ELP4: variants seen among roughly 807,000 people sequenced by gnomAD.
ELP4 encodes the protein elongator complex protein 4.
In ELP4, 51 loss-of-function variants were observed where a neutral mutation model predicts 48.9. The observed-to-expected ratio is 1.04, with a 90% CI of 0.83 to 1.32. ELP4 has a LOEUF of 1.32. ELP4 is among the 40% of genes most tolerant of loss of function. The pLI is 0.00. For missense variants in ELP4, 519 were observed against 514.6 expected, an observed-to-expected ratio of 1.01 and a Z score of -0.08; for synonymous variants, 210 against 189.2, an observed-to-expected ratio of 1.11 and a Z score of -0.90.
chr11:31,521,526 A>G (rs1051413493), intron 2 of ELP4, among the ~76,000 whole-genome samples: 13 of 152,148 alleles, frequency 8.5e-5, no homozygotes, highest in African/African-American at 3.1e-4. Flanking sequence ...TAAAATAGGA[A>G]TTACATCCCT....
At chr11:31,745,949 C>A (rs1441854262) in intron 9 of ELP4, among the ~76,000 whole-genome samples, 2 of 152,106 alleles carry the variant, frequency 1.3e-5, no homozygotes, top group Non-Finnish European at 2.9e-5. Context: ...TCAGAGTGAA[C>A]AGGCAACCTA....
At chr11:31,771,328 T>C (rs1487916141) in intron 9 of ELP4, among the ~76,000 whole-genome samples, 1 of 152,246 alleles carries the variant, frequency 6.6e-6, no homozygotes, top group Non-Finnish European at 1.5e-5. Flanking sequence ...AGAATATGCA[T>C]GTTTGCAACA....
At chr11:31,563,631 T>A (rs1306696027) in intron 3 of ELP4, among the ~76,000 whole-genome samples, 1 of 152,176 alleles carries the variant, frequency 6.6e-6, no homozygotes, top group African/African-American at 2.4e-5. Context: ...TGAAAGGTAG[T>A]CCTATTTTCT....
At chr11:31,549,593 T>A (rs963892541) in intron 3 of ELP4, among the ~76,000 whole-genome samples, 1 of 151,822 alleles carries the variant, frequency 6.6e-6, no homozygotes, top group Non-Finnish European at 1.5e-5. Flanking sequence ...TCCTCAGGGA[T>A]CTAGAACTAG....
intron 3 of ELP4, among the ~76,000 whole-genome samples, chr11:31,569,451 A>G (rs761846191): frequency 2.6e-5 from 4 of 152,208 alleles, no homozygotes; most frequent in Non-Finnish European, 5.9e-5. Context: ...GACACTTCTC[A>G]AAAGAACACA....
chr11:31,565,328 G>C (rs1321132595), intron 3 of ELP4, among the ~76,000 whole-genome samples: 1 of 152,008 alleles, frequency 6.6e-6, no homozygotes, highest in Non-Finnish European at 1.5e-5. Flanking sequence ...TAGGTGGCCT[G>C]TTCACTCTGA....
intron 9 of ELP4, among the ~76,000 whole-genome samples, chr11:31,723,153 T>G (rs1426637762): frequency 6.6e-6 from 1 of 152,114 alleles, no homozygotes; most frequent in Non-Finnish European, 1.5e-5. Context: ...ACCCTAATCC[T>G]TTTTACACCC....
chr11:31,610,210 C>A (rs1957951964), intron 5 of ELP4, among the ~76,000 whole-genome samples: 1 of 152,114 alleles, frequency 6.6e-6, no homozygotes. Flanking sequence ...GGAAAGGCAT[C>A]ATGTAAGTGT....
chr11:31,698,027 C>T (rs1002445171), intron 9 of ELP4, among the ~76,000 whole-genome samples: 1 of 151,954 alleles, frequency 6.6e-6, no homozygotes, highest in African/African-American at 2.4e-5. Context: ...TTTAACAGAA[C>T]TAAATGGTCA....
intron 3 of ELP4, among the ~76,000 whole-genome samples, chr11:31,540,058 G>T (rs1366011979): frequency 6.6e-6 from 1 of 152,108 alleles, no homozygotes; most frequent in Non-Finnish European, 1.5e-5. Flanking sequence ...AAAATTACTA[G>T]ACCAGGCATT....
chr11:31,684,739 A>G (rs1449268257), intron 9 of ELP4, among the ~76,000 whole-genome samples: 1 of 152,212 alleles, frequency 6.6e-6, no homozygotes. Context: ...CGTATGATCC[A>G]TATGAAAAAC....
chr11:31,724,762 T>C (rs1947039543), intron 9 of ELP4, among the ~76,000 whole-genome samples: 1 of 152,260 alleles, frequency 6.6e-6, no homozygotes, highest in African/African-American at 2.4e-5. Flanking sequence ...TGATTTGTTC[T>C]TATTGTGGCT....
chr11:31,781,335 A>G (rs3026408), intron 9 of ELP4, among the ~76,000 whole-genome samples: 1,671 of 152,188 alleles, frequency 0.011, 72 homozygotes, highest in Admixed American at 0.087. Context: ...CTCATTAGCA[A>G]TAACTACAAG....
chr11:31,600,829 G>T (rs1395997708), intron 4 of ELP4, among the ~76,000 whole-genome samples: 1 of 152,044 alleles, frequency 6.6e-6, no homozygotes, highest in South Asian at 2.1e-4. Flanking sequence ...GATTTTCTTG[G>T]TGCAGCTTTT....
intron 3 of ELP4, among the ~76,000 whole-genome samples, chr11:31,554,608 T>C (rs1956901230): frequency 6.6e-6 from 1 of 152,150 alleles, no homozygotes; most frequent in South Asian, 2.1e-4. Flanking sequence ...TGTACTGTTT[T>C]AGCAAATTTT....
chr11:31,664,059 A>T (rs1945619674), intron 9 of ELP4: 1 of 152,172 alleles, frequency 6.6e-6, no homozygotes, highest in Non-Finnish European at 1.5e-5. Context: ...TTTTCAGCCT[A>T]ATAAAAATGT....
intron 9 of ELP4, among the ~76,000 whole-genome samples, chr11:31,759,113 G>A (rs1465981661): frequency 1.3e-5 from 2 of 152,094 alleles, no homozygotes; most frequent in Non-Finnish European, 2.9e-5. Flanking sequence ...CACATGCTGA[G>A]AATTAATCTT....
chr11:31,549,294 A>G (rs1264797404), intron 3 of ELP4, among the ~76,000 whole-genome samples: 1 of 152,076 alleles, frequency 6.6e-6, no homozygotes, highest in Non-Finnish European at 1.5e-5. Context: ...TTACAAGAAA[A>G]AAACAAATAA....
chr11:31,655,045 A>C (rs1443444906), intron 9 of ELP4, among the ~76,000 whole-genome samples: 2 of 152,042 alleles, frequency 1.3e-5, no homozygotes, highest in Admixed American at 1.3e-4. Flanking sequence ...ATAGGCATCT[A>C]TTCATTTAGA....
Sources: gnomAD v4.1 joint callset for allele counts (sites outside exome capture counted in the v4.1 genomes callset) on GRCh38, gnomAD v4.1.1 for gene constraint, MANE v1.5 for transcripts, NCBI Gene and HGNC (gene_info 2026-07-23, HGNC 2026-07-21) for gene names.